WWOX: variants seen among roughly 807,000 people sequenced by gnomAD.
WWOX encodes the protein WW domain-containing oxidoreductase.
A neutral mutation model predicts 46.2 loss-of-function variants in WWOX; 69 were observed. The observed-to-expected ratio is 1.49, with a 90% confidence interval of 1.23 to 1.82. The LOEUF is 1.82. WWOX is among the 40% of genes most tolerant of loss of function. The pLI is 0.00. For synonymous variants in WWOX, 359 were observed against 202.6 expected (o/e 1.77, Z -6.56); for missense variants, 919 against 542.6 (o/e 1.69, Z -6.89).
At chr16:78,586,802 C>G (rs1171977725) in intron 8 of WWOX, among the ~76,000 whole-genome samples, 1 of 152,108 alleles carries the variant, frequency 6.6e-6, no homozygotes, top group Non-Finnish European at 1.5e-5. Flanking sequence ...CCAGTATCAT[C>G]TATGTATAAT....
rs941734983 is a variant in WWOX at position 78,757,082 on chromosome 16, G to C, written c.1056+324330G>C. 5 of 698,964 alleles carry C rather than the reference G, an allele frequency of 7.2e-6. No homozygotes were observed. In the African/African-American group the frequency reaches 8.8e-5, roughly 12 times the overall value. The allele number at this position is 698,964 out of a possible 1,614,324, so 43.3% of individuals were successfully genotyped here. ...AAGCCTTGAGGTGATTGCAGCCTTT[G>C]CTGCAATCTTGACTGGAACTTTATT... On this transcript the variant is annotated intron_variant, in intron 8 of 8. Transcript: ENST00000566780.
At chr16:78,575,772 C>A (rs370683404) in intron 8 of WWOX, among the ~76,000 whole-genome samples, 2 of 152,072 alleles carry the variant, frequency 1.3e-5, no homozygotes, top group East Asian at 3.9e-4. Flanking sequence ...TACTTTTAAC[C>A]CAACATGGTG....
At chr16:78,517,973 G>C (rs956896389) in intron 8 of WWOX, among the ~76,000 whole-genome samples, 4 of 149,200 alleles carry the variant, frequency 2.7e-5, no homozygotes, top group African/African-American at 9.9e-5. Flanking sequence ...GGACCACAGA[G>C]ATGGACTGAA....
At chr16:78,473,937 C>G (rs1016215598) in intron 8 of WWOX, among the ~76,000 whole-genome samples, 2 of 152,124 alleles carry the variant, frequency 1.3e-5, no homozygotes, top group Non-Finnish European at 1.5e-5. Flanking sequence ...CCTCCCTTTC[C>G]CTGTTAATTC....
intron 8 of WWOX, among the ~76,000 whole-genome samples, chr16:78,620,830 T>G (rs976927360): frequency 2.6e-5 from 4 of 152,230 alleles, no homozygotes; most frequent in Non-Finnish European, 5.9e-5. Context: ...GATATGGATT[T>G]CTTCCTCAGT....
intron 6 of WWOX, among the ~76,000 whole-genome samples, chr16:78,399,458 A>G (rs563383751): frequency 8.7e-5 from 13 of 149,934 alleles, no homozygotes; most frequent in Admixed American, 2.6e-4. Flanking sequence ...TGTTAAGAGT[A>G]AGGGCTTCCC....
At chr16:78,785,825 ATTTC>A (rs1466830402) in intron 8 of WWOX, among the ~76,000 whole-genome samples, 1 of 152,208 alleles carries the variant, frequency 6.6e-6, no homozygotes, top group East Asian at 1.9e-4. Flanking sequence ...ACCAAAAAAT[ATTTC>A]TTCAATTTTT....
At chr16:78,355,738 T>C (rs1202606275) in intron 5 of WWOX, 6 of 716,672 alleles carry the variant, frequency 8.4e-6, no homozygotes, top group East Asian at 3.6e-5. Flanking sequence ...AGGAAACATA[T>C]GAAGAGACAT....
At chr16:78,564,661 G>A (rs1028084582) in intron 8 of WWOX, among the ~76,000 whole-genome samples, 4 of 151,936 alleles carry the variant, frequency 2.6e-5, no homozygotes, top group Non-Finnish European at 5.9e-5. Flanking sequence ...TCTTTTATCT[G>A]GCCACTCGGG....
chr16:78,967,599 C>T (rs909388762), intron 8 of WWOX, among the ~76,000 whole-genome samples: 5 of 151,812 alleles, frequency 3.3e-5, no homozygotes, highest in African/African-American at 1.2e-4. Context: ...GCCACTATGC[C>T]CAATACCCCC....
At chr16:78,951,203 G>A (rs187702785) in intron 8 of WWOX, among the ~76,000 whole-genome samples, 28 of 152,318 alleles carry the variant, frequency 1.8e-4, no homozygotes, top group South Asian at 1.0e-3. Flanking sequence ...ATTAAATGGC[G>A]CGGTCATAAT....
At chr16:78,368,112 G>T (rs1408488353) in intron 5 of WWOX, among the ~76,000 whole-genome samples, 1 of 152,126 alleles carries the variant, frequency 6.6e-6, no homozygotes, top group Non-Finnish European at 1.5e-5. Flanking sequence ...TTCTGCCTTT[G>T]TTGTGTTTAT....
intron 8 of WWOX, among the ~76,000 whole-genome samples, chr16:78,522,433 A>G (rs369978718): frequency 3.3e-5 from 5 of 152,288 alleles, no homozygotes; most frequent in African/African-American, 1.2e-4. Context: ...TTTGCACAGT[A>G]GTCACTCATC....
intron 8 of WWOX, among the ~76,000 whole-genome samples, chr16:78,786,236 C>A (rs2050453090): frequency 6.6e-6 from 1 of 152,144 alleles, no homozygotes; most frequent in East Asian, 1.9e-4. Flanking sequence ...ACCCCACTTT[C>A]TTAAGTCGAG....
intron 8 of WWOX, among the ~76,000 whole-genome samples, chr16:78,744,397 T>G (rs1467293693): frequency 6.6e-6 from 1 of 151,100 alleles, no homozygotes; most frequent in Non-Finnish European, 1.5e-5. Flanking sequence ...GGGGCCAGAT[T>G]AGGAAGGGCC....
chr16:78,277,344 T>C (rs1597436818), intron 5 of WWOX, among the ~76,000 whole-genome samples: 1 of 152,120 alleles, frequency 6.6e-6, no homozygotes, highest in Non-Finnish European at 1.5e-5. Flanking sequence ...TCAGGATCCT[T>C]TCTTTCCTGC....
intron 8 of WWOX, among the ~76,000 whole-genome samples, chr16:78,698,648 G>C (rs377351303): frequency 6.6e-6 from 1 of 152,104 alleles, no homozygotes; most frequent in Non-Finnish European, 1.5e-5. Flanking sequence ...AACTTCCCAA[G>C]AATGTAATTT....
At chr16:78,372,608 G>A (rs1195834037) in intron 5 of WWOX, among the ~76,000 whole-genome samples, 1 of 152,200 alleles carries the variant, frequency 6.6e-6, no homozygotes, top group Non-Finnish European at 1.5e-5. Flanking sequence ...ATCTAGAGAA[G>A]GGTTACTCTC....
intron 8 of WWOX, among the ~76,000 whole-genome samples, chr16:78,860,624 A>G (rs2151191269): frequency 6.6e-6 from 1 of 152,344 alleles, no homozygotes; most frequent in African/African-American, 2.4e-5. Context: ...TAAGGCAACA[A>G]ACACAAAATA....
Sources: allele counts gnomAD v4.1 joint callset (sites outside exome capture counted in the v4.1 genomes callset), GRCh38; gene constraint gnomAD v4.1.1; transcripts MANE v1.5; gene names NCBI Gene and HGNC (gene_info 2026-07-23, HGNC 2026-07-21).